The following CTDSPL2 variants were observed in gnomAD, a reference collection of about 807,000 sequenced individuals.
The protein encoded by CTDSPL2 is CTD small phosphatase like 2.
CTDSPL2 carries 5 observed loss-of-function variants against 60.0 expected under a neutral mutation model. The observed-to-expected ratio is 0.08, with a 90% CI of 0.04 to 0.18. The LOEUF (loss-of-function observed/expected upper bound fraction) is 0.18. Among genes scored for constraint, CTDSPL2 ranks in the 10% least tolerant of loss-of-function variants. The pLI is 1.00. For synonymous variants in CTDSPL2, 186 were observed against 189.3 expected, an observed-to-expected ratio of 0.98 and a Z score of 0.14; for missense variants, 370 against 548.8, an observed-to-expected ratio of 0.67 and a Z score of 3.26.
chr15:44,436,690 C>T (rs2079988036), intron 1 of CTDSPL2, among the ~76,000 whole-genome samples: 1 of 152,166 alleles, frequency 6.6e-6, no homozygotes, highest in African/African-American at 2.4e-5. Context: ...TAGAACCTTG[C>T]ATGCATGTAT....
chr15:44,517,578 T>G (rs2081679935), intron 10 of CTDSPL2: 1 of 152,208 alleles, frequency 6.6e-6, no homozygotes, highest in South Asian at 2.1e-4. Flanking sequence ...TGCTCTTTGA[T>G]GACTGGTACA....
At chr15:44,432,162 T>G (rs2079873318) in intron 1 of CTDSPL2, among the ~76,000 whole-genome samples, 1 of 152,104 alleles carries the variant, frequency 6.6e-6, no homozygotes. Context: ...TTTGGGATCC[T>G]GACAGTAAGG....
chr15:44,458,411 A>G (rs909188275), intron 1 of CTDSPL2, among the ~76,000 whole-genome samples: 2 of 152,250 alleles, frequency 1.3e-5, no homozygotes, highest in Non-Finnish European at 2.9e-5. Context: ...TCGTTTTAAA[A>G]GTATCATTAA....
chr15:44,507,536 C>A (rs2081491043), intron 8 of CTDSPL2, among the ~76,000 whole-genome samples: 2 of 152,210 alleles, frequency 1.3e-5, no homozygotes. Flanking sequence ...CAAAAGATTA[C>A]TACTGTAACA....
chr15:44,435,006 A>G (rs2079944568), intron 1 of CTDSPL2, among the ~76,000 whole-genome samples: 2 of 152,180 alleles, frequency 1.3e-5, no homozygotes, highest in African/African-American at 4.8e-5. Context: ...GCACGCCTGT[A>G]ATCCCAGCAC....
At chr15:44,511,097 C>T (rs913058970) in intron 8 of CTDSPL2, among the ~76,000 whole-genome samples, 1 of 152,174 alleles carries the variant, frequency 6.6e-6, no homozygotes, top group African/African-American at 2.4e-5. Context: ...CCCTCATTCT[C>T]TGCCTGTGTC....
At chr15:44,508,242 C>G (rs919712349) in intron 8 of CTDSPL2, among the ~76,000 whole-genome samples, 41 of 152,024 alleles carry the variant, frequency 2.7e-4, no homozygotes, top group Non-Finnish European at 4.1e-4. Context: ...GCCACCACGC[C>G]TGGCTAATTT....
chr15:44,493,373 C>T (rs1219710600), intron 5 of CTDSPL2, among the ~76,000 whole-genome samples: 5 of 152,168 alleles, frequency 3.3e-5, no homozygotes, highest in Non-Finnish European at 1.5e-5. Context: ...TTACTTTGGA[C>T]AGCTTATTTA....
At chr15:44,444,799 G>C (rs1244279493) in intron 1 of CTDSPL2, among the ~76,000 whole-genome samples, 17 of 147,758 alleles carry the variant, frequency 1.2e-4, no homozygotes, top group Non-Finnish European at 6.0e-5. Flanking sequence ...ACTTTAGTAG[G>C]GGTACAGATA....
chr15:44,486,730 A>AT (rs761822688), intron 4 of CTDSPL2, 30 bp downstream of exon 4: 24 of 1,247,246 alleles, frequency 1.9e-5, no homozygotes, highest in East Asian at 2.8e-5. Flanking sequence ...TGTGATTTGG[A>AT]TTTTTTTTAA....
At chr15:44,483,125 G>C (rs1421587303) in intron 2 of CTDSPL2, among the ~76,000 whole-genome samples, 1 of 152,090 alleles carries the variant, frequency 6.6e-6, no homozygotes, top group Non-Finnish European at 1.5e-5. Flanking sequence ...GGGGCGTGGT[G>C]GTGCGTGCCT....
At chr15:44,513,618 G>A (rs1322098246) in intron 8 of CTDSPL2, among the ~76,000 whole-genome samples, 3 of 152,154 alleles carry the variant, frequency 2.0e-5, no homozygotes, top group Admixed American at 6.5e-5. Context: ...CTAAGCCTGG[G>A]TTTGAATTTG....
At chr15:44,499,635 G>T (rs890281335) in intron 7 of CTDSPL2, 92 bp from the exon 8 acceptor site, 4 of 712,298 alleles carry the variant, frequency 5.6e-6, no homozygotes, top group Non-Finnish European at 7.2e-6. Flanking sequence ...ATATGAATGG[G>T]TGCTTTAGTG....
chr15:44,445,364 A>G (rs1217453057), intron 1 of CTDSPL2, among the ~76,000 whole-genome samples: 2 of 151,038 alleles, frequency 1.3e-5, no homozygotes, highest in African/African-American at 2.4e-5. Flanking sequence ...ATTTTTTTGT[A>G]TTTTTAGTAG....
At chr15:44,484,413 C>T in intron 3 of CTDSPL2, 51 bp downstream of exon 3, 12 of 1,513,246 alleles carry the variant, frequency 7.9e-6, no homozygotes, top group Non-Finnish European at 1.1e-5. Flanking sequence ...AGAGATCTCA[C>T]CTGACACATT....
At chr15:44,469,040 C>T (rs776293103) in intron 2 of CTDSPL2, among the ~76,000 whole-genome samples, 7 of 152,128 alleles carry the variant, frequency 4.6e-5, no homozygotes, top group Non-Finnish European at 8.8e-5. Context: ...ATAATGGCCC[C>T]AGAGTACAAG....
intron 2 of CTDSPL2, among the ~76,000 whole-genome samples, chr15:44,463,581 T>C (rs2080620800): frequency 6.6e-6 from 1 of 152,262 alleles, no homozygotes; most frequent in Non-Finnish European, 1.5e-5. Context: ...AATGCTTTAC[T>C]AAAATCGGAG....
At position 44,484,253 on chromosome 15, in the gene CTDSPL2, T is replaced by C. The variant is rs141681506; in HGVS notation, c.216T>C (p.Ser72=). ...AGAGAGAAAATCCTTCAAAACGGAG[T>C]AGAATTGAACGTGATATAGATAACA... ...KEERENPSKR[S]RIERDIDNNL... is the part of the protein sequence containing the mutation. The change falls in exon 3 of 13, where the codon AGT becomes AGC. Residue 72 remains serine (S), a synonymous_variant. Transcript: ENST00000260327. The C allele has an allele frequency of 2.4e-5, 39 of 1,611,564 alleles. No individual in the cohort carries two copies. The African/African-American group carries it at 4.5e-4, about 19-fold the overall frequency.
intron 8 of CTDSPL2, among the ~76,000 whole-genome samples, chr15:44,507,178 G>A (rs1595770104): frequency 6.6e-6 from 1 of 151,574 alleles, no homozygotes; most frequent in African/African-American, 2.4e-5. Context: ...TCCACCTCCT[G>A]GGTTCAAGCG....
Sources: gnomAD v4.1 joint callset for allele counts (sites outside exome capture counted in the v4.1 genomes callset) on GRCh38, gnomAD v4.1.1 for gene constraint, MANE v1.5 for transcripts, NCBI Gene and HGNC (gene_info 2026-07-23, HGNC 2026-07-21) for gene names.